SAPCD1: variants seen among roughly 807,000 people sequenced by gnomAD.
SAPCD1 encodes suppressor APC domain-containing protein 1.
SAPCD1 carries 16 observed loss-of-function variants against 20.7 expected under a neutral mutation model. The observed-to-expected ratio is 0.77, with a 90% CI of 0.52 to 1.17. The LOEUF is 1.17. Ranked by LOEUF, SAPCD1 falls within the 50% of genes most tolerant of loss-of-function variation. The probability of loss-of-function intolerance (pLI) is 0.00; values close to 1 mark genes in which losing one functional copy is unlikely to be tolerated. For missense variants in SAPCD1, 173 were observed against 209.9 expected, an observed-to-expected ratio of 0.82 and a Z score of 1.09; for synonymous variants, 77 against 84.8, an observed-to-expected ratio of 0.91 and a Z score of 0.50.
At position 31,763,109 on chromosome 6, in the gene SAPCD1, C is replaced by T. The variant is rs1426559957; in HGVS notation, c.55C>T (p.Leu19=). 1.3e-6 allele frequency: 2 copies of T among 1,565,736 alleles called. No homozygotes were observed. Among genetic ancestry groups the T allele is most frequent in the Admixed American group, 4.1e-5 (2 of 48,624 alleles). Residue 19 remains leucine (L), a synonymous_variant, in exon 1 of 5, where the codon CTG becomes TTG. Transcript: ENST00000415669. The surrounding 1 kb of genome is among the most constrained non-coding windows in gnomAD (Gnocchi z 4.9). ...CTTGGTGCAGGCTCCCTACACAGTC[C>T]TGCTGCTGCCGCTGGGGACAAGCCG...
Position 31,764,263 on chromosome 6 carries a change from C to G in SAPCD1, c.352-3C>G, listed in dbSNP as rs758666480. ...CAGAAAACACAGCGAATTTCCCCTC[C>G]AGTTCTCCCCAAGTCCACTGAACAA... On this transcript the variant is annotated splice_region_variant and splice_polypyrimidine_tract_variant and intron_variant, in intron 3 of 4. Transcript: ENST00000415669. This position sits in a 1 kb window ranked among gnomAD's most constrained non-coding sequence, Gnocchi z 4.7. 6.2e-7 allele frequency: 1 copy of G among 1,613,742 alleles called. No individual in the cohort carries two copies.
chr6:31,764,364 CAAG>C lies in SAPCD1; in HGVS notation c.441+13_441+15del, dbSNP rs752542251. The C allele has an allele frequency of 2.5e-5, 40 of 1,613,452 alleles. No homozygotes were observed. Among genetic ancestry groups the C allele is most frequent in the Middle Eastern group, 1.6e-4 (1 of 6,062 alleles). On this transcript the variant is annotated intron_variant, in intron 4 of 4. Transcript: ENST00000415669. This position sits in a 1 kb window ranked among gnomAD's most constrained non-coding sequence, Gnocchi z 4.7. ...ACTTGTGGCAGCAACAGGTAAACTT[CAAG>C]AAGGAGGGCAGGAGCCCCACCCTAC... is the stretch of plus-strand genomic sequence containing the variant.
In SAPCD1 at chr6:31,763,300, T is replaced by C; in HGVS notation, c.115-115T>C. ...TGCCCTCCAGGTCCTCAGTGGCCAGTCTGGGTTCACACTCAGTGACCACAC... is the reference window on the plus strand; with the variant it reads ...TGCCCTCCAGGTCCTCAGTGGCCAGCCTGGGTTCACACTCAGTGACCACAC... On this transcript the variant is annotated intron_variant, in intron 1 of 4. Coordinates refer to ENST00000415669, the Ensembl canonical transcript of SAPCD1. The surrounding 1 kb of genome is among the most constrained non-coding windows in gnomAD (Gnocchi z 4.9). The C allele has an allele frequency of 2.8e-6, 4 of 1,431,088 alleles. No homozygotes were observed. Among genetic ancestry groups the C allele is most frequent in the Non-Finnish European group, 3.9e-6 (4 of 1,027,864 alleles). The allele number at this position is 1,431,088 out of a possible 1,614,324, so 88.6% of individuals were successfully genotyped here.
upstream of SAPCD1, chr6:31,762,670 G>A (rs937627866): frequency 1.7e-6 from 1 of 599,252 alleles, no homozygotes; most frequent in Non-Finnish European, 2.9e-6. Context: ...AGTTTATTTT[G>A]AAGAAAGATA....
chr6:31,764,034 C>T lies in SAPCD1; in HGVS notation c.256-30C>T, dbSNP rs202129300. 1.3e-4 allele frequency: 196 copies of T among 1,473,376 alleles called. No individual in the cohort carries two copies. The East Asian group carries it at 4.2e-3, about 32-fold the overall frequency. 91.3% of individuals were successfully genotyped at this position (1,473,376 alleles called of 1,614,324 possible). A position where few individuals can be genotyped will look rare whatever the true frequency, so the allele number is the denominator to read the frequency against. ...GTGGCAGACGACCTCAGGTTTTCAC[C>T]ATGTTGTCAGCCTCCAACTCCTCCT... On this transcript the variant is annotated intron_variant, in intron 2 of 4. Transcript: ENST00000415669. This position sits in a 1 kb window ranked among gnomAD's most constrained non-coding sequence, Gnocchi z 4.7.
chr6:31,763,190 G>T lies in SAPCD1; in HGVS notation c.114+22G>T. 7.1e-7 allele frequency: 1 copy of T among 1,401,552 alleles called. No individual in the cohort carries two copies. The highest frequency in any genetic ancestry group is 9.8e-7 in the Non-Finnish European group (1 of 1,017,884). 86.8% of individuals were successfully genotyped at this position (1,401,552 alleles called of 1,614,324 possible). Reference sequence around the variant, plus strand: ...TTGGGTGAGTATCAGCCCAACAAGAGGTCCCAGGGGAACTCTCTCAATAGA... The same window carrying T: ...TTGGGTGAGTATCAGCCCAACAAGATGTCCCAGGGGAACTCTCTCAATAGA... On this transcript the variant is annotated intron_variant, in intron 1 of 4. Transcript: ENST00000415669. This position sits in a 1 kb window ranked among gnomAD's most constrained non-coding sequence, Gnocchi z 4.9.
rs745997439 is a variant in SAPCD1, at chr6:31,764,379, G to C, written c.441+24G>C. The C allele has an allele frequency of 6.2e-7, 1 of 1,611,398 alleles. No homozygotes were observed. The highest frequency in any genetic ancestry group is 8.5e-7 in the Non-Finnish European group (1 of 1,177,440). ...AGGTAAACTTCAAGAAGGAGGGCAG[G>C]AGCCCCACCCTACAGGGCTGGGAGG... On this transcript the variant is annotated intron_variant, in intron 4 of 4. Transcript: ENST00000415669. This position sits in a 1 kb window ranked among gnomAD's most constrained non-coding sequence, Gnocchi z 4.7.
Position 31,763,028 on chromosome 6 carries a change from T to G in SAPCD1, c.-27T>G. 2 of 1,370,470 alleles carry G rather than the reference T, an allele frequency of 1.5e-6. No individual in the cohort carries two copies. Among genetic ancestry groups the G allele is most frequent in the Non-Finnish European group, 2.0e-6 (2 of 984,948 alleles). 84.9% of individuals were successfully genotyped at this position (1,370,470 alleles called of 1,614,324 possible). ...CCAGCCCGGGCTGCACCAGTGGGAG[T>G]GGCTCCACCCTTCCCACCTCAGAGC... On this transcript the variant is annotated 5_prime_UTR_variant, in exon 1 of 5. Transcript: ENST00000415669. This position sits in a 1 kb window ranked among gnomAD's most constrained non-coding sequence, Gnocchi z 4.9.
rs751900152 is a variant in SAPCD1, at chr6:31,764,519, TACCCGTGTCTAA to T, written c.530_*4del. 1.9e-6 allele frequency: 3 copies of T among 1,611,664 alleles called. No homozygotes were observed. The African/African-American group carries it at 4.0e-5, about 22-fold the overall frequency. ...GCTGCACCAAGGGGCCAAGAGGCCC[TACCCGTGTCTAA>T]ACCCTCCTCTCACTCCCCTAAGCCT... On this transcript the variant is annotated stop_lost and inframe_deletion, in exon 5 of 5. Coordinates refer to ENST00000415669, the Ensembl canonical transcript of SAPCD1. This position sits in a 1 kb window ranked among gnomAD's most constrained non-coding sequence, Gnocchi z 4.7.
At position 31,763,256 on chromosome 6, in the gene SAPCD1, G is replaced by GTTCCCGCC. The variant is rs1414152220; in HGVS notation, c.114+90_114+97dup. On this transcript the variant is annotated intron_variant, in intron 1 of 4. Coordinates refer to ENST00000415669, the Ensembl canonical transcript of SAPCD1. The surrounding 1 kb of genome is among the most constrained non-coding windows in gnomAD (Gnocchi z 4.9). Reference sequence around the variant, plus strand: ...TCCATTCAACTTGAGGGCCCACAGTGTTCCCGCCTGCCTCCCCTTGCCCTC... The same window carrying GTTCCCGCC: ...TCCATTCAACTTGAGGGCCCACAGTGTTCCCGCCTTCCCGCCTGCCTCCCCTTGCCCTC... The GTTCCCGCC allele has an allele frequency of 8.3e-7, 1 of 1,207,240 alleles. No homozygotes were observed. Among genetic ancestry groups the GTTCCCGCC allele is most frequent in the Admixed American group, 2.1e-5 (1 of 48,126 alleles). The allele number at this position is 1,207,240 out of a possible 1,614,324, so 74.8% of individuals were successfully genotyped here.
In SAPCD1 at chr6:31,764,086, C is replaced by T. The variant is rs1811277247; in HGVS notation, c.278C>T (p.Ser93Leu). ...TAGAATTTTCTAACAGATTTACACT[C>T]AGAGCCTGGTCGCCCCCCGTTAGCC... Residue 93 changes from serine (S) to leucine (L), a missense_variant, in exon 3 of 5, where the codon TCA (serine) becomes TTA (leucine). Coordinates refer to ENST00000415669, the Ensembl canonical transcript of SAPCD1. The surrounding 1 kb of genome is among the most constrained non-coding windows in gnomAD (Gnocchi z 4.7). 1 of 1,613,448 alleles carries T rather than the reference C, an allele frequency of 6.2e-7. No individual in the cohort carries two copies.
rs1284447396 is a variant in SAPCD1 at position 31,764,533 on chromosome 6, C to T, written c.*2C>T. 1.9e-6 allele frequency: 3 copies of T among 1,607,184 alleles called. No homozygotes were observed. The highest frequency in any genetic ancestry group is 2.6e-6 in the Non-Finnish European group (3 of 1,175,140). On this transcript the variant is annotated 3_prime_UTR_variant, in exon 5 of 5. Coordinates refer to ENST00000415669, the Ensembl canonical transcript of SAPCD1. The surrounding 1 kb of genome is among the most constrained non-coding windows in gnomAD (Gnocchi z 4.7). ...CCAAGAGGCCCTACCCGTGTCTAAACCCTCCTCTCACTCCCCTAAGCCTGG... is the reference window on the plus strand; with the variant it reads ...CCAAGAGGCCCTACCCGTGTCTAAATCCTCCTCTCACTCCCCTAAGCCTGG...
rs1811252642 is a variant in SAPCD1 at position 31,763,855 on chromosome 6, A to G, written c.256-209A>G. ...TGGACAGGGAGGCTCCATGAAGAGT[A>G]GTGAAAGGGGGTATTGTGCTATTTG... On this transcript the variant is annotated intron_variant, in intron 2 of 4. Transcript: ENST00000415669. This position sits in a 1 kb window ranked among gnomAD's most constrained non-coding sequence, Gnocchi z 4.9. 1.7e-6 allele frequency: 1 copy of G among 605,100 alleles called. No individual in the cohort carries two copies. Among genetic ancestry groups the G allele is most frequent in the South Asian group, 2.0e-5 (1 of 50,026 alleles). The allele number at this position is 605,100 out of a possible 1,614,324, so 37.5% of individuals were successfully genotyped here.
chr6:31,763,287 CCTCAGTGGCCAGTCTGGGTTCACA>C lies in SAPCD1; in HGVS notation c.115-120_115-97del. The C allele has an allele frequency of 7.5e-7, 1 of 1,342,026 alleles. No homozygotes were observed. The highest frequency in any genetic ancestry group is 1.1e-6 in the Non-Finnish European group (1 of 951,682). 83.1% of individuals were successfully genotyped at this position (1,342,026 alleles called of 1,614,324 possible). A position where few individuals can be genotyped will look rare whatever the true frequency, so the allele number is the denominator to read the frequency against. ...GCCTGCCTCCCCTTGCCCTCCAGGT[CCTCAGTGGCCAGTCTGGGTTCACA>C]CTCAGTGACCACACAGTGAACCCAA... On this transcript the variant is annotated intron_variant, in intron 1 of 4. Coordinates refer to ENST00000415669, the Ensembl canonical transcript of SAPCD1. The surrounding 1 kb of genome is among the most constrained non-coding windows in gnomAD (Gnocchi z 4.9).
chr6:31,764,069 TC>T lies in SAPCD1; in HGVS notation c.262del (p.Leu88Ter). On this transcript the variant is annotated frameshift_variant, in exon 3 of 5. Transcript: ENST00000415669. LOFTEE classifies it high-confidence loss of function. The surrounding 1 kb of genome is among the most constrained non-coding windows in gnomAD (Gnocchi z 4.7). The stretch of plus-strand genomic sequence containing the variant: ...GCCTCCAACTCCTCCTCTAGAATTT[TC>T]TAACAGATTTACACTCAGAGCCTGG... 6.2e-7 allele frequency: 1 copy of T among 1,611,680 alleles called. No homozygotes were observed. Among genetic ancestry groups the T allele is most frequent in the Non-Finnish European group, 8.5e-7 (1 of 1,177,772 alleles).
chr6:31,763,957 C>G lies in SAPCD1; in HGVS notation c.256-107C>G. 2.5e-6 allele frequency: 2 copies of G among 786,996 alleles called. No homozygotes were observed. The highest frequency in any genetic ancestry group is 2.9e-5 in the South Asian group (2 of 70,008). 48.8% of individuals were successfully genotyped at this position (786,996 alleles called of 1,614,324 possible). ...ATTTTCCCACCTGCCTGGGAGGGTACTGGGACGAGGGGATCCAGATGAGAG... is the reference window on the plus strand; with the variant it reads ...ATTTTCCCACCTGCCTGGGAGGGTAGTGGGACGAGGGGATCCAGATGAGAG... On this transcript the variant is annotated intron_variant, in intron 2 of 4. Coordinates refer to ENST00000415669, the Ensembl canonical transcript of SAPCD1. This position sits in a 1 kb window ranked among gnomAD's most constrained non-coding sequence, Gnocchi z 4.9.
In SAPCD1 at chr6:31,764,067, T is replaced by G. The variant is rs1471107886; in HGVS notation, c.259T>G (p.Phe87Val). 6.2e-7 allele frequency: 1 copy of G among 1,611,246 alleles called. No individual in the cohort carries two copies. Among genetic ancestry groups the G allele is most frequent in the African/African-American group, 1.3e-5 (1 of 74,888 alleles). ...CAGCCTCCAACTCCTCCTCTAGAAT[T>G]TTCTAACAGATTTACACTCAGAGCC... The change falls in exon 3 of 5, where the codon TTT becomes GTT. Residue 87 changes from phenylalanine (F) to valine (V), a missense_variant. Physicochemically the swap from Phe to Val is conservative, Grantham distance 50. Transcript: ENST00000415669. This position sits in a 1 kb window ranked among gnomAD's most constrained non-coding sequence, Gnocchi z 4.7.
At position 31,764,709 on chromosome 6, in the gene SAPCD1, C is replaced by T; in HGVS notation, c.*178C>T. On this transcript the variant is annotated 3_prime_UTR_variant, in exon 5 of 5. Coordinates refer to ENST00000415669, the Ensembl canonical transcript of SAPCD1. This position sits in a 1 kb window ranked among gnomAD's most constrained non-coding sequence, Gnocchi z 4.7. ...ACTTCATCTTCTTGGTGTCTCATGT[C>T]CTCATTCTCCCCTATATGACATGCA... 1 of 592,600 alleles carries T rather than the reference C, an allele frequency of 1.7e-6. No homozygotes were observed. Among genetic ancestry groups the T allele is most frequent in the Middle Eastern group, 4.5e-4 (1 of 2,224 alleles). 36.7% of individuals were successfully genotyped at this position (592,600 alleles called of 1,614,324 possible).
In SAPCD1 at chr6:31,763,148, G is replaced by T. The variant is rs1811182684; in HGVS notation, c.94G>T (p.Ala32Ser). 6.4e-7 allele frequency: 1 copy of T among 1,567,758 alleles called. No individual in the cohort carries two copies. Among genetic ancestry groups the T allele is most frequent in the East Asian group, 2.2e-5 (1 of 44,454 alleles). ...GGGGACAAGCCGCCAAGACCCAGGGGCCCAGAGCTTCTTCCTTTGGGTGAG... is the reference window on the plus strand; with the variant it reads ...GGGGACAAGCCGCCAAGACCCAGGGTCCCAGAGCTTCTTCCTTTGGGTGAG... Residue 32 changes from alanine (A) to serine (S), a missense_variant, in exon 1 of 5, where the codon GCC becomes TCC. By Grantham distance (99) the Ala-to-Ser change is moderately conservative. Transcript: ENST00000415669. The surrounding 1 kb of genome is among the most constrained non-coding windows in gnomAD (Gnocchi z 4.9).
Sources: allele counts gnomAD v4.1 joint callset, GRCh38; gene constraint gnomAD v4.1.1; non-coding constraint Gnocchi (gnomAD v3.1); transcripts MANE v1.5; gene names NCBI Gene and HGNC (gene_info 2026-07-23, HGNC 2026-07-21).